KCNQ5: variants seen among roughly 807,000 people sequenced by gnomAD.
The protein encoded by KCNQ5 is potassium voltage-gated channel subfamily Q member 5.
KCNQ5 carries 30 observed loss-of-function variants against 98.2 expected under a neutral mutation model. The ratio of observed to expected loss-of-function variants is 0.31; its 90% CI spans 0.23 to 0.41. KCNQ5 has a LOEUF of 0.41. KCNQ5 is among the 10% of genes least tolerant of loss of function. The pLI is 1.00. For missense variants in KCNQ5, 835 were observed against 1,182.5 expected (o/e 0.71, Z 4.31); for synonymous variants, 458 against 449.4 (o/e 1.02, Z -0.24).
At chr6:72,709,263 C>T (rs1030681046) in intron 1 of KCNQ5, among the ~76,000 whole-genome samples, 1 of 152,138 alleles carries the variant, frequency 6.6e-6, no homozygotes, top group Non-Finnish European at 1.5e-5. Flanking sequence ...CTTTTATTGC[C>T]TTGTTTTTAG....
chr6:72,909,095 T>C (rs1314220440), intron 1 of KCNQ5, among the ~76,000 whole-genome samples: 2 of 152,202 alleles, frequency 1.3e-5, no homozygotes, highest in Non-Finnish European at 2.9e-5. Flanking sequence ...TGTGATATTC[T>C]AAATCCTCAG....
intron 1 of KCNQ5, among the ~76,000 whole-genome samples, chr6:72,734,463 A>ACCACCAGTAGGTACT (rs1770719938): frequency 1.3e-5 from 2 of 152,060 alleles, no homozygotes; most frequent in Non-Finnish European, 2.9e-5. Context: ...CTGGGACTAC[A>ACCACCAGTAGGTACT]GGCACCCACC....
intron 1 of KCNQ5, among the ~76,000 whole-genome samples, chr6:72,883,565 G>A (rs1013287906): frequency 3.3e-5 from 5 of 152,118 alleles, no homozygotes; most frequent in Non-Finnish European, 7.4e-5. Context: ...ACTTGGGATG[G>A]AGCTGACTCA....
At chr6:73,094,029 T>C (rs1354795842) in intron 5 of KCNQ5, among the ~76,000 whole-genome samples, 1 of 152,186 alleles carries the variant, frequency 6.6e-6, no homozygotes, top group Non-Finnish European at 1.5e-5. Context: ...ATTATTATGT[T>C]GCCACCTGTC....
chr6:72,971,991 A>T (rs1389265591), intron 1 of KCNQ5, among the ~76,000 whole-genome samples: 3 of 152,250 alleles, frequency 2.0e-5, no homozygotes, highest in Non-Finnish European at 2.9e-5. Context: ...GTATAATTTT[A>T]AAAAAGAGGT....
chr6:72,747,158 C>T (rs1413253350), intron 1 of KCNQ5, among the ~76,000 whole-genome samples: 8 of 152,096 alleles, frequency 5.3e-5, no homozygotes, highest in Non-Finnish European at 8.8e-5. Flanking sequence ...ATGTAAGCCA[C>T]AAACCTCAGG....
chr6:72,696,651 T>A (rs1768520158), intron 1 of KCNQ5, among the ~76,000 whole-genome samples: 1 of 152,210 alleles, frequency 6.6e-6, no homozygotes, highest in Admixed American at 6.5e-5. Flanking sequence ...TTATAGGTTA[T>A]CTGCTTTAAG....
intron 10 of KCNQ5, 74 bp from the exon 11 acceptor site, chr6:73,169,672 A>C (rs1198611048): frequency 9.4e-7 from 1 of 1,063,028 alleles, no homozygotes; most frequent in African/African-American, 1.6e-5. Flanking sequence ...CGCCATTTCC[A>C]CGTGAGAAAA....
intron 1 of KCNQ5, among the ~76,000 whole-genome samples, chr6:72,917,804 G>A (rs113229408): frequency 0.011 from 1,731 of 152,070 alleles, 35 homozygotes; most frequent in South Asian, 0.068. Flanking sequence ...TTTTGCCCTG[G>A]GAAGGAAGGA....
intron 1 of KCNQ5, among the ~76,000 whole-genome samples, chr6:72,752,911 T>G (rs1314122549): frequency 6.6e-6 from 1 of 152,164 alleles, no homozygotes; most frequent in Non-Finnish European, 1.5e-5. Flanking sequence ...GAGGTTCTTC[T>G]AGATAGACTC....
chr6:73,177,594 AG>A (rs202245322), intron 11 of KCNQ5, among the ~76,000 whole-genome samples: 1,857 of 152,344 alleles, frequency 0.012, 13 homozygotes, highest in Non-Finnish European at 0.019. Context: ...ATACTCCGCA[AG>A]TAAAGAAGAG....
chr6:72,905,039 C>T (rs927810724), intron 1 of KCNQ5, among the ~76,000 whole-genome samples: 5 of 151,952 alleles, frequency 3.3e-5, no homozygotes, highest in African/African-American at 1.2e-4. Flanking sequence ...TTAACATAAT[C>T]CCAGACTTCT....
intron 1 of KCNQ5, among the ~76,000 whole-genome samples, chr6:72,701,532 G>C (rs775288042): frequency 6.6e-6 from 1 of 152,094 alleles, no homozygotes; most frequent in Non-Finnish European, 1.5e-5. Flanking sequence ...TGCATATGGA[G>C]AAAAGAAATA....
chr6:72,876,179 T>C (rs145110358), intron 1 of KCNQ5, among the ~76,000 whole-genome samples: 48 of 152,242 alleles, frequency 3.2e-4, no homozygotes, highest in Non-Finnish European at 6.0e-4. Context: ...TTTCATAAGA[T>C]TTTAGAGTAA....
intron 1 of KCNQ5, among the ~76,000 whole-genome samples, chr6:72,658,578 A>ATATTTT (rs1226386362): frequency 1.3e-5 from 1 of 76,380 alleles, no homozygotes; most frequent in Non-Finnish European, 2.8e-5. Context: ...ATATATATAT[A>ATATTTT]TTTTTTTTTT....
At chr6:72,905,577 T>G (rs1362359122) in intron 1 of KCNQ5, among the ~76,000 whole-genome samples, 6 of 152,168 alleles carry the variant, frequency 3.9e-5, no homozygotes, top group Admixed American at 3.9e-4. Flanking sequence ...GTTCCCTTGA[T>G]GTAGTACTCT....
chr6:72,971,034 A>G (rs1303821977), intron 1 of KCNQ5, among the ~76,000 whole-genome samples: 1 of 152,216 alleles, frequency 6.6e-6, no homozygotes, highest in Non-Finnish European at 1.5e-5. Context: ...CTGCACAGCA[A>G]AAGAAACTAC....
rs1390596977 is a variant in KCNQ5, at chr6:73,197,870, A to T, written c.*2456A>T. On this transcript the variant is annotated 3_prime_UTR_variant, in exon 14 of 14. Coordinates refer to ENST00000370398, the MANE Select transcript of KCNQ5 (RefSeq NM_019842.4). ...TACAGCTCACCCAGCATTGCTGACG[A>T]CTGAAGATTCAGAAACAAAACCTAC... The T allele has an allele frequency of 6.6e-6, 1 of 152,244 alleles. No individual in the cohort carries two copies. The highest frequency in any genetic ancestry group is 1.5e-5 in the Non-Finnish European group (1 of 68,072). 9.4% of individuals were successfully genotyped at this position (152,244 alleles called of 1,614,324 possible). A position where few individuals can be genotyped will look rare whatever the true frequency, so the allele number is the denominator to read the frequency against.
rs374433856 is a variant in KCNQ5, at chr6:72,752,234, C to T, written c.398+129647C>T. Among the ~76,000 whole-genome samples, 42 of 152,140 alleles carry T rather than the reference C, an allele frequency of 2.8e-4. No individual in the cohort carries two copies. In the South Asian group the frequency reaches 6.0e-3, roughly 22 times the overall value. On this transcript the variant is annotated intron_variant, in intron 1 of 13. Transcript: ENST00000370398. Reference sequence around the variant, plus strand: ...TTTGAGTTGGGAGACAGGTGCAAAACGTTAGTTACAAACTAATTTCTTCAC... The same window carrying T: ...TTTGAGTTGGGAGACAGGTGCAAAATGTTAGTTACAAACTAATTTCTTCAC...
Sources: allele counts gnomAD v4.1 joint callset (sites outside exome capture counted in the v4.1 genomes callset), GRCh38; gene constraint gnomAD v4.1.1; transcripts MANE v1.5; gene names NCBI Gene and HGNC (gene_info 2026-07-23, HGNC 2026-07-21).